Variants in SCN3B observed in about 807,000 individuals in gnomAD.
SCN3B encodes sodium voltage-gated channel beta subunit 3.
Under a neutral mutation model 25.4 loss-of-function variants are expected in SCN3B, and 11 were observed. That is an observed-to-expected ratio of 0.43 (90% confidence interval 0.27 to 0.72). The LOEUF is 0.72. Ranked by LOEUF, SCN3B falls within the 30% of genes least tolerant of loss-of-function variation. SCN3B has a pLI of 0.18. For synonymous variants in SCN3B, 109 were observed against 110.7 expected (o/e 0.99, Z 0.09); for missense variants, 218 against 278.3 (o/e 0.78, Z 1.54).
intron 3 of SCN3B, among the ~76,000 whole-genome samples, chr11:123,644,800 A>AGAGAGAGAGAGAGAGAGAAT (rs1272015067): frequency 8.8e-4 from 40 of 45,580 alleles, no homozygotes; most frequent in African/African-American, 3.1e-3. Flanking sequence ...AGAGAGAGAG[A>AGAGAGAGAGAGAGAGAGAAT]ATATATATAT....
Position 123,642,346 on chromosome 11 carries a change from T to C in SCN3B, c.445+100A>G. Reference sequence around the variant, plus strand: ...TGTCACCATTCCAAATACATGGGTTTTTGCACTCTTTAAGGGCCTCACTCG... The same window carrying C: ...TGTCACCATTCCAAATACATGGGTTCTTGCACTCTTTAAGGGCCTCACTCG... On this transcript the variant is annotated intron_variant, in intron 4 of 6. Transcript: ENST00000299333. This position sits in a 1 kb window ranked among gnomAD's most constrained non-coding sequence, Gnocchi z 4.3. 1 of 1,139,690 alleles carries C rather than the reference T, an allele frequency of 8.8e-7. No homozygotes were observed. The highest frequency in any genetic ancestry group is 1.3e-5 in the South Asian group (1 of 79,546). The allele number at this position is 1,139,690 out of a possible 1,614,324, so 70.6% of individuals were successfully genotyped here.
intron 4 of SCN3B, chr11:123,638,592 G>A: frequency 2.0e-6 from 1 of 490,576 alleles, no homozygotes; most frequent in Non-Finnish European, 3.7e-6. Flanking sequence ...GAGATATCTA[G>A]AGCTGGCTGT....
In SCN3B at chr11:123,645,689, G is replaced by T; in HGVS notation, c.117C>A (p.Asn39Lys). Residue 39 changes from asparagine (N) to lysine (K), a missense_variant, in exon 3 of 7, where the codon AAC becomes AAA. Physicochemically the swap from Asn to Lys is moderately conservative, Grantham distance 94. Transcript: ENST00000299333. ...VPSETEAVQG[N>K]PMKLRCISCM... ...AGGAGATGCAGCGCAGCTTCATGGGGTTGCCCTGCACGGCCTCCGTCTCCG... is the reference window on the plus strand; with the variant it reads ...AGGAGATGCAGCGCAGCTTCATGGGTTTGCCCTGCACGGCCTCCGTCTCCG... The T allele has an allele frequency of 6.2e-7, 1 of 1,614,138 alleles. No homozygotes were observed. The highest frequency in any genetic ancestry group is 8.5e-7 in the Non-Finnish European group (1 of 1,180,006).
At chr11:123,633,871 C>A in intron 6 of SCN3B, 95 bp from the exon 7 acceptor site, 2 of 435,080 alleles carry the variant, frequency 4.6e-6, no homozygotes, top group South Asian at 4.2e-5. Context: ...GTTGGAGAAT[C>A]CTGTGCCTCT....
chr11:123,642,354 C>A lies in SCN3B; in HGVS notation c.445+92G>T. 8.0e-7 allele frequency: 1 copy of A among 1,256,080 alleles called. No individual in the cohort carries two copies. Among genetic ancestry groups the A allele is most frequent in the Non-Finnish European group, 1.2e-6 (1 of 859,518 alleles). The allele number at this position is 1,256,080 out of a possible 1,614,324, so 77.8% of individuals were successfully genotyped here. A position where few individuals can be genotyped will look rare whatever the true frequency, so the allele number is the denominator to read the frequency against. On this transcript the variant is annotated intron_variant, in intron 4 of 6. Coordinates refer to ENST00000299333, the MANE Select transcript of SCN3B (RefSeq NM_001040151.2). This position sits in a 1 kb window ranked among gnomAD's most constrained non-coding sequence, Gnocchi z 4.3. ...TTCCAAATACATGGGTTTTTGCACT[C>A]TTTAAGGGCCTCACTCGTGGAAAAC... is the stretch of plus-strand genomic sequence containing the variant.
rs373822921 is a variant in SCN3B, at chr11:123,629,476, A to G, written c.*4323T>C. ...CTGGGATGGAGACCGAGTTTGATATATAAATCAGACTTGCTTGGAAGTGCT... is the reference window on the plus strand; with the variant it reads ...CTGGGATGGAGACCGAGTTTGATATGTAAATCAGACTTGCTTGGAAGTGCT... On this transcript the variant is annotated 3_prime_UTR_variant, in exon 7 of 7. Coordinates refer to ENST00000299333, the MANE Select transcript of SCN3B (RefSeq NM_001040151.2). 5.2e-5 allele frequency: 8 copies of G among 152,406 alleles called. No homozygotes were observed. In the South Asian group the frequency reaches 1.7e-3, roughly 32 times the overall value. The allele number at this position is 152,406 out of a possible 1,614,324, so 9.4% of individuals were successfully genotyped here.
intron 2 of SCN3B, 128 bp downstream of exon 2, chr11:123,653,619 T>A (rs1409244253): frequency 1.2e-5 from 13 of 1,054,672 alleles, no homozygotes; most frequent in Non-Finnish European, 1.9e-5. Flanking sequence ...GCCATCTCCA[T>A]GTCTGGCAGA....
chr11:123,635,919 C>A (rs1955719487), intron 5 of SCN3B, among the ~76,000 whole-genome samples: 1 of 152,168 alleles, frequency 6.6e-6, no homozygotes, highest in Non-Finnish European at 1.5e-5. Flanking sequence ...TTGGTTAAGA[C>A]TATTTTTGGC....
intron 2 of SCN3B, among the ~76,000 whole-genome samples, chr11:123,649,676 C>T (rs71490082): frequency 0.09 from 11,700 of 130,164 alleles, 482 homozygotes; most frequent in Middle Eastern, 0.12. Flanking sequence ...TTCTTTTTTT[C>T]CTCTCTCTCT....
At chr11:123,634,617 C>T (rs72552147) in intron 5 of SCN3B, among the ~76,000 whole-genome samples, 15 of 152,196 alleles carry the variant, frequency 9.9e-5, no homozygotes, top group Non-Finnish European at 1.8e-4. Context: ...TGGCACGTGC[C>T]TGTAGTCCCA....
chr11:123,653,658 CTT>C (rs777026189), intron 2 of SCN3B, 87 bp downstream of exon 2: 4 of 1,489,498 alleles, frequency 2.7e-6, no homozygotes, highest in Non-Finnish European at 3.7e-6. Context: ...AGCCAGAGCT[CTT>C]TTCTGTCACC....
intron 3 of SCN3B, among the ~76,000 whole-genome samples, chr11:123,644,949 A>G (rs1415843428): frequency 1.3e-5 from 2 of 151,700 alleles, no homozygotes; most frequent in Non-Finnish European, 2.9e-5. Flanking sequence ...GCTATGGTGC[A>G]GGAGCAGAAT....
Position 123,645,590 on chromosome 11 carries a change from G to C in SCN3B, c.216C>G (p.Phe72Leu). Reference protein sequence around the residue: ...WFYRPEGGKDFLIYEYRNGHQ... With the variant: ...WFYRPEGGKDLLIYEYRNGHQ... ...CAGAGTCAGCAGTCTAACATACAAG[G>C]AAATCTTTACCGCCCTCGGGCCTGT... Residue 72 changes from phenylalanine to leucine, a missense_variant, in exon 3 of 7, where the codon TTC becomes TTG. Phe to Leu is a conservative substitution (Grantham distance 22). Transcript: ENST00000299333. The C allele has an allele frequency of 6.2e-7, 1 of 1,614,146 alleles. No homozygotes were observed. The highest frequency in any genetic ancestry group is 8.5e-7 in the Non-Finnish European group (1 of 1,180,016).
At chr11:123,650,617 TGGTGTTG>T (rs1366856827) in intron 2 of SCN3B, among the ~76,000 whole-genome samples, 1 of 151,966 alleles carries the variant, frequency 6.6e-6, no homozygotes, top group African/African-American at 2.4e-5. Context: ...GGACAGGTGA[TGGTGTTG>T]GGGAGAGATG....
At position 123,633,096 on chromosome 11, in the gene SCN3B, GA is replaced by G. The variant is rs1273540334; in HGVS notation, c.*702del. 1.3e-5 allele frequency: 2 copies of G among 152,196 alleles called. No homozygotes were observed. Among genetic ancestry groups the G allele is most frequent in the African/African-American group, 4.8e-5 (2 of 41,452 alleles). The allele number at this position is 152,196 out of a possible 1,614,324, so 9.4% of individuals were successfully genotyped here. ...AGAAACATGTTGCATGACTTTTTAA[GA>G]GCCACTTAAATTACCATTGGTCCTT... is the stretch of plus-strand genomic sequence containing the variant. On this transcript the variant is annotated 3_prime_UTR_variant, in exon 7 of 7. Coordinates refer to ENST00000299333, the MANE Select transcript of SCN3B (RefSeq NM_001040151.2).
chr11:123,630,171 A>T lies in SCN3B; in HGVS notation c.*3628T>A, dbSNP rs1174719132. 1 of 152,468 alleles carries T rather than the reference A, an allele frequency of 6.6e-6. No homozygotes were observed. The highest frequency in any genetic ancestry group is 2.4e-5 in the African/African-American group (1 of 41,446). 9.4% of individuals were successfully genotyped at this position (152,468 alleles called of 1,614,324 possible). ...TGGGTGTGTGGGTGTCTGGGAATGG[A>T]GAAACTAAAAGGTCATGCCGTTAAA... is the stretch of plus-strand genomic sequence containing the variant. On this transcript the variant is annotated 3_prime_UTR_variant, in exon 7 of 7. Transcript: ENST00000299333.
intron 3 of SCN3B, among the ~76,000 whole-genome samples, chr11:123,643,608 C>T (rs1229698580): frequency 6.6e-6 from 1 of 152,264 alleles, no homozygotes; most frequent in Non-Finnish European, 1.5e-5. Flanking sequence ...AGAAGGTTTC[C>T]ACCATCACAA....
At chr11:123,651,599 G>A (rs73031645) in intron 2 of SCN3B, among the ~76,000 whole-genome samples, 23,900 of 152,134 alleles carry the variant, frequency 0.16, 1,972 homozygotes, top group Admixed American at 0.22. Context: ...CCTGACCTCA[G>A]GTGATCCACC....
At chr11:123,640,492 G>T (rs1256702253) in intron 4 of SCN3B, 2 of 151,554 alleles carry the variant, frequency 1.3e-5, no homozygotes, top group Non-Finnish European at 2.9e-5. Flanking sequence ...GCAAGATGAG[G>T]GCAGGGAGTA....
Sources: gnomAD v4.1 joint callset for allele counts (sites outside exome capture counted in the v4.1 genomes callset) on GRCh38, gnomAD v4.1.1 for gene constraint, Gnocchi (gnomAD v3.1) non-coding constraint, MANE v1.5 for transcripts, NCBI Gene and HGNC (gene_info 2026-07-23, HGNC 2026-07-21) for gene names.